NPAS3: variants seen among roughly 807,000 people sequenced by gnomAD.
The protein encoded by NPAS3 is neuronal PAS domain protein 3, also known as neuronal PAS domain-containing protein 3.
NPAS3 carries 14 observed loss-of-function variants against 73.1 expected under a neutral mutation model. The ratio of observed to expected loss-of-function variants is 0.19; its 90% confidence interval spans 0.13 to 0.30. The LOEUF (loss-of-function observed/expected upper bound fraction) is 0.30, where lower values mean the gene tolerates loss of function less well. Ranked by LOEUF, NPAS3 falls within the 10% of genes least tolerant of loss-of-function variation. NPAS3 has a pLI of 1.00. For missense variants in NPAS3, 1,096 were observed against 1,250.0 expected (o/e 0.88, Z 1.86); for synonymous variants, 620 against 541.5 (o/e 1.14, Z -2.01).
chr14:33,526,828 T>C (rs1442525805), intron 4 of NPAS3, among the ~76,000 whole-genome samples: 3 of 152,172 alleles, frequency 2.0e-5, no homozygotes, highest in East Asian at 1.9e-4. Flanking sequence ...GGCCAGGCAG[T>C]AGGAGGGTTG....
chr14:33,051,508 T>C (rs1262484953), intron 1 of NPAS3, among the ~76,000 whole-genome samples: 4 of 152,226 alleles, frequency 2.6e-5, no homozygotes, highest in African/African-American at 9.6e-5. Flanking sequence ...GCTATGAATG[T>C]CCACATCAGA....
At chr14:32,953,351 C>T (rs2036558669) in intron 1 of NPAS3, among the ~76,000 whole-genome samples, 1 of 152,066 alleles carries the variant, frequency 6.6e-6, no homozygotes, top group African/African-American at 2.4e-5. Flanking sequence ...CAAGGATAAA[C>T]ACCAAGCTGT....
chr14:33,340,642 A>T (rs1018369305), intron 3 of NPAS3, among the ~76,000 whole-genome samples: 2 of 152,226 alleles, frequency 1.3e-5, no homozygotes, highest in Admixed American at 6.5e-5. Context: ...TATGGTGAAA[A>T]TGATGAGAGT....
At chr14:33,729,221 TA>T (rs1361236256) in intron 6 of NPAS3, among the ~76,000 whole-genome samples, 1 of 152,180 alleles carries the variant, frequency 6.6e-6, no homozygotes, top group Non-Finnish European at 1.5e-5. Flanking sequence ...ACCCTACTTA[TA>T]AAAGTCAATA....
chr14:33,003,918 A>G (rs192393761), intron 1 of NPAS3, among the ~76,000 whole-genome samples: 1 of 152,282 alleles, frequency 6.6e-6, no homozygotes, highest in Non-Finnish European at 1.5e-5. Context: ...TGACATAAGA[A>G]AGGTATTGTA....
intron 5 of NPAS3, among the ~76,000 whole-genome samples, chr14:33,586,864 C>T (rs1225541240): frequency 2.6e-5 from 4 of 152,068 alleles, no homozygotes; most frequent in Admixed American, 6.6e-5. Context: ...TCATGCAACT[C>T]GAGAAATGCT....
intron 4 of NPAS3, among the ~76,000 whole-genome samples, chr14:33,407,835 C>G (rs1249977515): frequency 1.3e-5 from 2 of 152,102 alleles, no homozygotes; most frequent in African/African-American, 4.8e-5. Flanking sequence ...CAAATGAACA[C>G]TTTACCATGT....
At chr14:33,390,562 T>C (rs1230132010) in intron 4 of NPAS3, among the ~76,000 whole-genome samples, 1 of 152,242 alleles carries the variant, frequency 6.6e-6, no homozygotes, top group Non-Finnish European at 1.5e-5. Context: ...CAGCTGTGGC[T>C]GCTTCTGTAG....
intron 7 of NPAS3, among the ~76,000 whole-genome samples, chr14:33,744,798 AAAT>A (rs577889559): frequency 2.6e-5 from 4 of 151,606 alleles, no homozygotes; most frequent in South Asian, 4.2e-4. Flanking sequence ...CCAAAAAAGC[AAAT>A]AATAATAATA....
chr14:33,078,593 A>G (rs926581295), intron 2 of NPAS3, among the ~76,000 whole-genome samples: 7 of 152,192 alleles, frequency 4.6e-5, no homozygotes, highest in African/African-American at 1.4e-4. Context: ...AAAACAGTAG[A>G]AAGTCAGGTA....
intron 5 of NPAS3, among the ~76,000 whole-genome samples, chr14:33,626,293 C>T (rs2058217688): frequency 1.3e-5 from 2 of 152,122 alleles, no homozygotes. Context: ...CATGCAGTTA[C>T]AATATTGAGT....
At chr14:33,663,912 T>C (rs2059380066) in intron 5 of NPAS3, among the ~76,000 whole-genome samples, 1 of 152,124 alleles carries the variant, frequency 6.6e-6, no homozygotes, top group Admixed American at 6.5e-5. Flanking sequence ...TTATTGTGTC[T>C]ATTTGATTCT....
intron 8 of NPAS3, among the ~76,000 whole-genome samples, chr14:33,776,744 C>G (rs886465134): frequency 1.3e-5 from 2 of 151,954 alleles, no homozygotes; most frequent in Non-Finnish European, 2.9e-5. Context: ...CCTCACCAAC[C>G]TTTTGGATTA....
At chr14:33,401,710 A>G (rs1342274016) in intron 4 of NPAS3, among the ~76,000 whole-genome samples, 1 of 152,128 alleles carries the variant, frequency 6.6e-6, no homozygotes, top group Admixed American at 6.6e-5. Context: ...TCATTTTATT[A>G]CCATTACATC....
chr14:33,597,180 C>A (rs1475639156), intron 5 of NPAS3, among the ~76,000 whole-genome samples: 1 of 152,180 alleles, frequency 6.6e-6, no homozygotes, highest in Non-Finnish European at 1.5e-5. Context: ...TTCACTAGTT[C>A]CTAGGAGTAG....
chr14:33,535,369 G>T (rs1422915335), intron 4 of NPAS3, among the ~76,000 whole-genome samples: 1 of 152,184 alleles, frequency 6.6e-6, no homozygotes, highest in Non-Finnish European at 1.5e-5. Context: ...ACTTGAGTAG[G>T]ACTGCTGTTA....
At chr14:33,475,245 C>A (rs1333211928) in intron 4 of NPAS3, among the ~76,000 whole-genome samples, 1 of 152,052 alleles carries the variant, frequency 6.6e-6, no homozygotes, top group Non-Finnish European at 1.5e-5. Context: ...GTTAATAGAT[C>A]TTAATCACGA....
chr14:33,255,854 G>A (rs926191833), intron 3 of NPAS3, among the ~76,000 whole-genome samples: 8 of 152,116 alleles, frequency 5.3e-5, no homozygotes, highest in African/African-American at 1.9e-4. Context: ...AGAGAGTCTC[G>A]TATCTATGGT....
intron 5 of NPAS3, among the ~76,000 whole-genome samples, chr14:33,664,005 G>C (rs960612126): frequency 4.0e-5 from 6 of 151,188 alleles, no homozygotes; most frequent in African/African-American, 1.5e-4. Context: ...TGGATTCATT[G>C]ATTTTTTTGA....
Sources: gnomAD v4.1 joint callset for allele counts (sites outside exome capture counted in the v4.1 genomes callset) on GRCh38, gnomAD v4.1.1 for gene constraint, MANE v1.5 for transcripts, NCBI Gene and HGNC (gene_info 2026-07-23, HGNC 2026-07-21) for gene names.